TAX1BP1: variants seen among roughly 807,000 people sequenced by gnomAD.
The protein encoded by TAX1BP1 is tax1-binding protein 1.
Under a neutral mutation model 97.7 loss-of-function variants are expected in TAX1BP1, and 62 were observed. The observed-to-expected ratio is 0.63, with a 90% CI of 0.52 to 0.78. The LOEUF is 0.78. Among genes scored for constraint, TAX1BP1 ranks in the 30% least tolerant of loss-of-function variants. The probability of loss-of-function intolerance (pLI) is 0.00; values close to 1 mark genes in which losing one functional copy is unlikely to be tolerated. For synonymous variants in TAX1BP1, 340 were observed against 304.2 expected (o/e 1.12, Z -1.23); for missense variants, 867 against 916.1 (o/e 0.95, Z 0.69).
rs928850524 is a variant in TAX1BP1 at position 27,758,153 on chromosome 7, G to C, written c.265+20G>C. The C allele has an allele frequency of 3.2e-6, 5 of 1,551,340 alleles. No homozygotes were observed. Among genetic ancestry groups the C allele is most frequent in the Non-Finnish European group, 4.4e-6 (5 of 1,128,796 alleles). On this transcript the variant is annotated intron_variant, in intron 3 of 16. Transcript: ENST00000396319. ...TCCAAGGTAAGGACTGAAAACTGCA[G>C]AACTCAATGAAACTAGATGTCTTAT...
chr7:27,800,072 A>C lies in TAX1BP1; in HGVS notation c.1746A>C (p.Glu582Asp), dbSNP rs1790073948. The C allele has an allele frequency of 6.3e-7, 1 of 1,584,312 alleles. No homozygotes were observed. The highest frequency in any genetic ancestry group is 1.2e-5 in the South Asian group (1 of 85,018). ...IAENVKLELAEVQDNYKELKR... is the reference protein window; with the variant it reads ...IAENVKLELADVQDNYKELKR... ...AAAATGTAAAACTTGAACTAGCTGA[A>C]GTACAGGACAATTATAAAGTAAGTT... is the stretch of plus-strand genomic sequence containing the variant. The change falls in exon 13 of 17, where the codon GAA becomes GAC. Residue 582 changes from glutamate (E) to aspartate (D), a missense_variant. Glu to Asp is a conservative substitution (Grantham distance 45). Transcript: ENST00000396319.
At chr7:27,741,234 AT>A (rs1787584905) in intron 1 of TAX1BP1, among the ~76,000 whole-genome samples, 1 of 152,232 alleles carries the variant, frequency 6.6e-6, no homozygotes, top group Non-Finnish European at 1.5e-5. Context: ...CGAACAATTA[AT>A]AGTTACAAGT....
At chr7:27,802,742 CG>C (rs1172272982) in intron 13 of TAX1BP1, among the ~76,000 whole-genome samples, 1 of 151,598 alleles carries the variant, frequency 6.6e-6, no homozygotes, top group Non-Finnish European at 1.5e-5. Context: ...GATTTATTCC[CG>C]GGGGCGTGAT....
chr7:27,757,045 C>T (rs1219347747), intron 2 of TAX1BP1, among the ~76,000 whole-genome samples: 1 of 152,112 alleles, frequency 6.6e-6, no homozygotes, highest in Non-Finnish European at 1.5e-5. Flanking sequence ...GGTTTGTAAC[C>T]TGTAGTTTCA....
intron 2 of TAX1BP1, among the ~76,000 whole-genome samples, chr7:27,749,762 C>T (rs1279878718): frequency 1.3e-5 from 2 of 152,114 alleles, no homozygotes; most frequent in East Asian, 3.8e-4. Context: ...TTCATTGTAA[C>T]AATTTTATGA....
chr7:27,775,424 A>T (rs1006574959), intron 5 of TAX1BP1, among the ~76,000 whole-genome samples: 2 of 152,174 alleles, frequency 1.3e-5, no homozygotes, highest in Non-Finnish European at 2.9e-5. Flanking sequence ...TAAAGTTTAG[A>T]ATTTTGAGTT....
At chr7:27,800,805 T>C (rs1790104965) in intron 13 of TAX1BP1, among the ~76,000 whole-genome samples, 1 of 152,026 alleles carries the variant, frequency 6.6e-6, no homozygotes, top group Non-Finnish European at 1.5e-5. Context: ...TAAATGATAC[T>C]GTAAGAATGT....
At chr7:27,806,886 A>G (rs1790361205) in intron 13 of TAX1BP1, among the ~76,000 whole-genome samples, 1 of 152,206 alleles carries the variant, frequency 6.6e-6, no homozygotes, top group Admixed American at 6.5e-5. Flanking sequence ...AATAAAGAAC[A>G]GGCAATATGG....
chr7:27,792,600 C>A (rs748987951), intron 9 of TAX1BP1, among the ~76,000 whole-genome samples: 3 of 152,024 alleles, frequency 2.0e-5, no homozygotes, highest in Non-Finnish European at 1.5e-5. Context: ...TTTAAATGAA[C>A]CTTAGTCCTA....
intron 5 of TAX1BP1, among the ~76,000 whole-genome samples, chr7:27,780,632 T>A (rs575653415): frequency 1.1e-4 from 17 of 152,300 alleles, no homozygotes; most frequent in Admixed American, 7.8e-4. Flanking sequence ...GAATTTATGA[T>A]CTCATTGAAT....
At position 27,748,695 on chromosome 7, in the gene TAX1BP1, G is replaced by A; in HGVS notation, c.162+9G>A. The A allele has an allele frequency of 4.0e-6, 6 of 1,505,334 alleles. No homozygotes were observed. The highest frequency in any genetic ancestry group is 5.4e-6 in the Non-Finnish European group (6 of 1,118,696). The allele number at this position is 1,505,334 out of a possible 1,614,324, so 93.2% of individuals were successfully genotyped here. ...GGGTTGGTATATTCAAGGTAAGAAA[G>A]CTTTCTGAATATGTTCTCCATGTAA... On this transcript the variant is annotated intron_variant, in intron 2 of 16. Coordinates refer to ENST00000396319, the MANE Select transcript of TAX1BP1 (RefSeq NM_006024.7).
chr7:27,769,252 A>T (rs1261174714), intron 4 of TAX1BP1, among the ~76,000 whole-genome samples: 2 of 151,976 alleles, frequency 1.3e-5, no homozygotes, highest in African/African-American at 4.8e-5. Flanking sequence ...TATATACCAT[A>T]TAGTAAGTTT....
intron 2 of TAX1BP1, among the ~76,000 whole-genome samples, chr7:27,755,658 T>C (rs978533697): frequency 2.0e-5 from 3 of 152,236 alleles, no homozygotes; most frequent in Non-Finnish European, 2.9e-5. Context: ...ATTTCCATTT[T>C]CTCATTTATT....
intron 3 of TAX1BP1, among the ~76,000 whole-genome samples, chr7:27,761,867 A>G (rs1427894086): frequency 6.6e-6 from 1 of 151,794 alleles, no homozygotes; most frequent in East Asian, 1.9e-4. Context: ...TTAATTGTAT[A>G]AGAGCATGTT....
intron 4 of TAX1BP1, among the ~76,000 whole-genome samples, chr7:27,768,261 GAT>G (rs1435780699): frequency 2.6e-5 from 4 of 152,076 alleles, no homozygotes; most frequent in African/African-American, 9.6e-5. Flanking sequence ...TATATAAAGA[GAT>G]AAACATGCAA....
chr7:27,750,124 G>C (rs1191024317), intron 2 of TAX1BP1, among the ~76,000 whole-genome samples: 1 of 152,122 alleles, frequency 6.6e-6, no homozygotes, highest in East Asian at 1.9e-4. Flanking sequence ...GGAGATACTG[G>C]TATCAAGTTA....
chr7:27,815,706 AT>A (rs1233978898), intron 13 of TAX1BP1, among the ~76,000 whole-genome samples: 1 of 152,186 alleles, frequency 6.6e-6, no homozygotes, highest in East Asian at 1.9e-4. Flanking sequence ...TTATAAAAAA[AT>A]CTTAAGTGAT....
intron 15 of TAX1BP1, among the ~76,000 whole-genome samples, chr7:27,818,389 CTTG>C (rs1231523323): frequency 1.3e-5 from 2 of 152,098 alleles, no homozygotes; most frequent in African/African-American, 2.4e-5. Context: ...AAAAAAAATT[CTTG>C]TTGTTACAAC....
At chr7:27,783,425 C>T (rs181142616) in intron 5 of TAX1BP1, among the ~76,000 whole-genome samples, 6 of 152,274 alleles carry the variant, frequency 3.9e-5, no homozygotes, top group Non-Finnish European at 8.8e-5. Flanking sequence ...GAAGAATAAT[C>T]CTTACTTTAT....
Sources: gnomAD v4.1 joint callset for allele counts (sites outside exome capture counted in the v4.1 genomes callset) on GRCh38, gnomAD v4.1.1 for gene constraint, MANE v1.5 for transcripts, NCBI Gene and HGNC (gene_info 2026-07-23, HGNC 2026-07-21) for gene names.